The following GLRA1 variants were observed in gnomAD, a reference collection of about 807,000 sequenced individuals.
GLRA1 encodes glycine receptor subunit alpha-1.
In GLRA1, 37 loss-of-function variants were observed where a neutral mutation model predicts 48.3. The observed-to-expected ratio is 0.77, with a 90% CI of 0.59 to 1.01. The LOEUF (loss-of-function observed/expected upper bound fraction) is 1.01, where lower values mean the gene tolerates loss of function less well. GLRA1 is among the 50% of genes least tolerant of loss of function. GLRA1 has a pLI of 0.00. For synonymous variants in GLRA1, 196 were observed against 210.7 expected (o/e 0.93, Z 0.60); for missense variants, 427 against 571.0 (o/e 0.75, Z 2.57).
intron 1 of GLRA1, among the ~76,000 whole-genome samples, chr5:151,924,068 A>G (rs985259709): frequency 6.6e-6 from 1 of 152,194 alleles, no homozygotes; most frequent in African/African-American, 2.4e-5. Context: ...TGGCTCCCAG[A>G]CGGGAAAGCT....
intron 4 of GLRA1, among the ~76,000 whole-genome samples, chr5:151,858,297 G>C (rs908909605): frequency 1.3e-5 from 2 of 152,164 alleles, no homozygotes; most frequent in African/African-American, 2.4e-5. Context: ...AAAAAGTGAA[G>C]AGAAAGTGAA....
intron 3 of GLRA1, among the ~76,000 whole-genome samples, chr5:151,860,495 G>A (rs1202151216): frequency 6.6e-6 from 1 of 151,926 alleles, no homozygotes; most frequent in Admixed American, 6.6e-5. Context: ...AGGAATGAAA[G>A]GAAAAAATCA....
chr5:151,849,217 TCTTC>T (rs1292723314), intron 7 of GLRA1, among the ~76,000 whole-genome samples: 4,191 of 62,912 alleles, frequency 0.067, 413 homozygotes, highest in East Asian at 0.14. Flanking sequence ...TTCCTTCCTT[TCTTC>T]CTTCCTTCCT....
chr5:151,898,114 G>C (rs1754268911), intron 1 of GLRA1, among the ~76,000 whole-genome samples: 1 of 152,096 alleles, frequency 6.6e-6, no homozygotes, highest in Non-Finnish European at 1.5e-5. Flanking sequence ...CACTTCCCTT[G>C]TTGGCTTTCA....
intron 7 of GLRA1, among the ~76,000 whole-genome samples, chr5:151,844,798 A>C (rs922198213): frequency 2.0e-5 from 3 of 152,014 alleles, no homozygotes; most frequent in African/African-American, 7.2e-5. Flanking sequence ...GTTACTTCAA[A>C]AGAATATCTA....
At chr5:151,843,291 C>T (rs558786133) in intron 7 of GLRA1, among the ~76,000 whole-genome samples, 191 of 132,042 alleles carry the variant, frequency 1.4e-3, no homozygotes, top group African/African-American at 4.7e-3. Context: ...GATGGAGTCT[C>T]ACTCTCTCTC....
At chr5:151,850,647 T>A in intron 7 of GLRA1, 1 of 1,393,496 alleles carries the variant, frequency 7.2e-7, no homozygotes, top group Admixed American at 1.7e-5. Flanking sequence ...AACATACACA[T>A]TCCCTGGACT....
intron 3 of GLRA1, among the ~76,000 whole-genome samples, chr5:151,882,226 G>A (rs962483287): frequency 1.1e-4 from 17 of 152,178 alleles, no homozygotes; most frequent in East Asian, 1.9e-4. Context: ...AGGAGATCAC[G>A]CACTGAGTTC....
chr5:151,832,501 A>G (rs1763448872), intron 7 of GLRA1, among the ~76,000 whole-genome samples: 2 of 152,252 alleles, frequency 1.3e-5, no homozygotes, highest in African/African-American at 4.8e-5. Flanking sequence ...TTCGTGAAGC[A>G]TACACAAGTA....
At chr5:151,908,719 C>T (rs1754535742) in intron 1 of GLRA1, among the ~76,000 whole-genome samples, 1 of 151,820 alleles carries the variant, frequency 6.6e-6, no homozygotes, top group Non-Finnish European at 1.5e-5. Flanking sequence ...TTTGTTGCTT[C>T]TTAATCCCAT....
At chr5:151,877,518 C>T (rs1001402665) in intron 3 of GLRA1, among the ~76,000 whole-genome samples, 2 of 151,780 alleles carry the variant, frequency 1.3e-5, no homozygotes, top group Admixed American at 1.3e-4. Context: ...AAAACAAAAA[C>T]ACAACAACAA....
chr5:151,855,134 C>T lies in GLRA1; in HGVS notation c.603G>A (p.Gln201=). ...MNDLIFEWQE[Q]GAVQVADGLT... is the part of the protein sequence containing the mutation. Reference sequence around the variant, plus strand: ...GTCCATCTGCTACCTGCACGGCTCCCTGTTCCTGCCACTCAAAGATGAGGT... The same window carrying T: ...GTCCATCTGCTACCTGCACGGCTCCTTGTTCCTGCCACTCAAAGATGAGGT... The change falls in exon 6 of 9, where the codon CAG becomes CAA. Residue 201 remains glutamine, a synonymous_variant. Coordinates refer to ENST00000274576, the MANE Select transcript of GLRA1 (RefSeq NM_000171.4). 6.2e-7 allele frequency: 1 copy of T among 1,614,028 alleles called. No homozygotes were observed. Among genetic ancestry groups the T allele is most frequent in the Non-Finnish European group, 8.5e-7 (1 of 1,179,890 alleles).
chr5:151,909,690 A>AT (rs1754561677), intron 1 of GLRA1, among the ~76,000 whole-genome samples: 1 of 152,198 alleles, frequency 6.6e-6, no homozygotes. Flanking sequence ...ATCCTGTACC[A>AT]TTATAGTGTA....
intron 3 of GLRA1, 33 bp from the exon 4 acceptor site, chr5:151,860,041 G>C (rs755308567): frequency 6.5e-7 from 1 of 1,535,566 alleles, no homozygotes; most frequent in South Asian, 1.1e-5. Flanking sequence ...TGAAGGCAAT[G>C]TTAGGCCCAA....
intron 1 of GLRA1, among the ~76,000 whole-genome samples, chr5:151,893,480 G>C (rs967817103): frequency 6.6e-6 from 1 of 151,934 alleles, no homozygotes; most frequent in African/African-American, 2.4e-5. Flanking sequence ...TCTTGCATTA[G>C]ATATTTGTCC....
intron 6 of GLRA1, among the ~76,000 whole-genome samples, chr5:151,852,904 G>A (rs1292559871): frequency 6.6e-6 from 1 of 152,110 alleles, no homozygotes; most frequent in Non-Finnish European, 1.5e-5. Flanking sequence ...ACATTATTCA[G>A]CCTTAAAAAA....
At chr5:151,891,485 C>T (rs935079525) in intron 2 of GLRA1, among the ~76,000 whole-genome samples, 2 of 152,116 alleles carry the variant, frequency 1.3e-5, no homozygotes, top group African/African-American at 4.8e-5. Flanking sequence ...GTATCTGGCT[C>T]TTCTTGGAAT....
intron 7 of GLRA1, chr5:151,849,869 T>C (rs1752854018): frequency 1.4e-6 from 2 of 1,445,326 alleles, no homozygotes; most frequent in Non-Finnish European, 1.8e-6. Context: ...TTTTGATGGC[T>C]CTAGTATTTT....
At chr5:151,872,706 A>AGGCT (rs1334262289) in intron 3 of GLRA1, among the ~76,000 whole-genome samples, 1 of 149,942 alleles carries the variant, frequency 6.7e-6, no homozygotes, top group Non-Finnish European at 1.5e-5. Flanking sequence ...TTTTACCAGG[A>AGGCT]GGCTATAAAG....
Sources: gnomAD v4.1 joint callset for allele counts (sites outside exome capture counted in the v4.1 genomes callset) on GRCh38, gnomAD v4.1.1 for gene constraint, MANE v1.5 for transcripts, NCBI Gene and HGNC (gene_info 2026-07-23, HGNC 2026-07-21) for gene names.